SRGAP1: variants seen among roughly 807,000 people sequenced by gnomAD.
The protein encoded by SRGAP1 is SLIT-ROBO Rho GTPase-activating protein 1.
SRGAP1 carries 43 observed loss-of-function variants against 121.9 expected under a neutral mutation model. The ratio of observed to expected loss-of-function variants is 0.35; its 90% CI spans 0.28 to 0.46. SRGAP1 has a LOEUF of 0.46. Ranked by LOEUF, SRGAP1 falls within the 20% of genes least tolerant of loss-of-function variation. The pLI is 1.00. For missense variants in SRGAP1, 1,102 were observed against 1,350.9 expected (o/e 0.82, Z 2.89); for synonymous variants, 447 against 485.4 (o/e 0.92, Z 1.04).
intron 15 of SRGAP1, among the ~76,000 whole-genome samples, chr12:64,103,063 G>A (rs571756022): frequency 6.6e-6 from 1 of 152,204 alleles, no homozygotes; most frequent in East Asian, 1.9e-4. Context: ...ACAGCTCACT[G>A]CAACCTCCTA....
intron 1 of SRGAP1, among the ~76,000 whole-genome samples, chr12:63,977,116 C>A (rs185519862): frequency 1.8e-4 from 27 of 152,064 alleles, no homozygotes; most frequent in Admixed American, 1.8e-3. Flanking sequence ...AAAATTTGCA[C>A]CTGGTGTTTA....
chr12:63,887,901 A>G (rs1318949947), intron 1 of SRGAP1: 1 of 152,218 alleles, frequency 6.6e-6, no homozygotes, highest in Non-Finnish European at 1.5e-5. Flanking sequence ...GACAGGTAAT[A>G]TCCTGAGAAG....
chr12:63,918,055 G>A lies in SRGAP1; in HGVS notation c.68-65892G>A, dbSNP rs570281975. 3.9e-4 allele frequency among the ~76,000 whole-genome samples: 60 copies of A among 152,288 alleles called. 1 individual carries two copies. The South Asian group carries it at 0.012, about 30-fold the overall frequency. Reference sequence around the variant, plus strand: ...TGAGCAAACTGTAGCAACAACTATAGGATGCCCAATTGGTTCACATTTTAA... The same window carrying A: ...TGAGCAAACTGTAGCAACAACTATAAGATGCCCAATTGGTTCACATTTTAA... On this transcript the variant is annotated intron_variant, in intron 1 of 21. Coordinates refer to ENST00000355086, the MANE Select transcript of SRGAP1 (RefSeq NM_020762.4).
intron 6 of SRGAP1, among the ~76,000 whole-genome samples, chr12:64,048,373 G>A (rs1303934607): frequency 1.3e-5 from 2 of 152,068 alleles, no homozygotes; most frequent in Non-Finnish European, 2.9e-5. Context: ...CTGTGTATAT[G>A]TACCACATTT....
At chr12:64,069,505 C>T (rs753482127) in intron 8 of SRGAP1, among the ~76,000 whole-genome samples, 1 of 152,148 alleles carries the variant, frequency 6.6e-6, no homozygotes, top group African/African-American at 2.4e-5. Context: ...AACTTCCAGC[C>T]GATCTGTCAG....
At chr12:63,848,991 A>G (rs920348607) in intron 1 of SRGAP1, among the ~76,000 whole-genome samples, 1 of 152,238 alleles carries the variant, frequency 6.6e-6, no homozygotes, top group Non-Finnish European at 1.5e-5. Flanking sequence ...AAGAATCAGG[A>G]ATGATACAAG....
chr12:64,114,791 A>T (rs2036491544), intron 17 of SRGAP1, among the ~76,000 whole-genome samples: 1 of 152,214 alleles, frequency 6.6e-6, no homozygotes, highest in South Asian at 2.1e-4. Flanking sequence ...TTCCAGACAG[A>T]GTAAAGCTCC....
At chr12:63,943,787 C>T (rs979232412) in intron 1 of SRGAP1, among the ~76,000 whole-genome samples, 4 of 151,934 alleles carry the variant, frequency 2.6e-5, no homozygotes, top group Admixed American at 6.5e-5. Context: ...GAGATCTGGG[C>T]CAACCAACAT....
Position 64,063,045 on chromosome 12 carries a change from G to A in SRGAP1, c.930G>A (p.Glu310=), listed in dbSNP as rs1167442629. 1 of 1,614,058 alleles carries A rather than the reference G, an allele frequency of 6.2e-7. No homozygotes were observed. Among genetic ancestry groups the A allele is most frequent in the East Asian group, 2.2e-5 (1 of 44,852 alleles). Residue 310 remains glutamate, a synonymous_variant, in exon 7 of 22, where the codon GAG becomes GAA. Coordinates refer to ENST00000355086, the MANE Select transcript of SRGAP1 (RefSeq NM_020762.4). ...DIIENAVDNL[E]PRSDKQRFME... The stretch of plus-strand genomic sequence containing the variant: ...TTGAGAATGCAGTTGATAATTTAGA[G>A]CCCAGGAGCGATAAGCAGAGATTCA...
chr12:63,884,190 G>A (rs1900292997), intron 1 of SRGAP1, among the ~76,000 whole-genome samples: 1 of 151,926 alleles, frequency 6.6e-6, no homozygotes, highest in Non-Finnish European at 1.5e-5. Flanking sequence ...GGCTGAGGCA[G>A]GAGAATCGCT....
chr12:64,050,323 A>G (rs185609427), intron 6 of SRGAP1, among the ~76,000 whole-genome samples: 9 of 152,302 alleles, frequency 5.9e-5, no homozygotes, highest in Admixed American at 4.6e-4. Context: ...GTAAACAAGG[A>G]TAATTTGACT....
At chr12:63,902,515 T>A (rs2029983191) in intron 1 of SRGAP1, among the ~76,000 whole-genome samples, 1 of 152,222 alleles carries the variant, frequency 6.6e-6, no homozygotes, top group Non-Finnish European at 1.5e-5. Flanking sequence ...TTACCCATAA[T>A]CATGCTTTTA....
chr12:63,904,736 A>G (rs1319903087), intron 1 of SRGAP1, among the ~76,000 whole-genome samples: 2 of 152,120 alleles, frequency 1.3e-5, no homozygotes, highest in Non-Finnish European at 1.5e-5. Context: ...TTGAAGACCA[A>G]CGTGGTCAAC....
intron 1 of SRGAP1, among the ~76,000 whole-genome samples, chr12:63,875,372 C>T (rs1409119480): frequency 1.3e-5 from 2 of 152,040 alleles, no homozygotes; most frequent in Non-Finnish European, 2.9e-5. Context: ...GCAGGAAGGT[C>T]GCCAATAATC....
chr12:63,897,204 G>A (rs2136302435), intron 1 of SRGAP1, among the ~76,000 whole-genome samples: 1 of 152,294 alleles, frequency 6.6e-6, no homozygotes, highest in East Asian at 1.9e-4. Flanking sequence ...TTAAATAAAA[G>A]ATCTTATCAT....
chr12:64,081,731 A>G (rs576485543), intron 10 of SRGAP1: 16 of 151,868 alleles, frequency 1.1e-4, no homozygotes, highest in Non-Finnish European at 2.4e-4. Context: ...TTCTTAAGAA[A>G]TGCTTGCTAA....
chr12:63,846,301 CA>C (rs1288576969), intron 1 of SRGAP1, among the ~76,000 whole-genome samples: 3 of 152,058 alleles, frequency 2.0e-5, no homozygotes, highest in Admixed American at 1.3e-4. Context: ...TTTCTTTTTT[CA>C]GTGAGTCCAA....
Position 64,113,352 on chromosome 12 carries a change from G to A in SRGAP1, c.2144+1366G>A, listed in dbSNP as rs142504482. On this transcript the variant is annotated intron_variant, in intron 17 of 21. Coordinates refer to ENST00000355086, the MANE Select transcript of SRGAP1 (RefSeq NM_020762.4). ...GAACATGGGAGGTAGAGGTTGCAGT[G>A]AGCCAAGATCGCGCCACTGCACTCC... is the stretch of plus-strand genomic sequence containing the variant. Among the ~76,000 whole-genome samples, 225 of 152,234 alleles carry A rather than the reference G, an allele frequency of 1.5e-3. 1 individual carries two copies. The highest frequency in any genetic ancestry group is 2.6e-3 in the Non-Finnish European group (175 of 68,006).
At chr12:64,059,215 G>A (rs191005330) in intron 6 of SRGAP1, among the ~76,000 whole-genome samples, 353 of 152,250 alleles carry the variant, frequency 2.3e-3, no homozygotes, top group Non-Finnish European at 3.6e-3. Context: ...AACATGCACC[G>A]ATGCTTTTGT....
Sources: allele counts gnomAD v4.1 joint callset (sites outside exome capture counted in the v4.1 genomes callset), GRCh38; gene constraint gnomAD v4.1.1; transcripts MANE v1.5; gene names NCBI Gene and HGNC (gene_info 2026-07-23, HGNC 2026-07-21).